HNRNPR: variants seen among roughly 807,000 people sequenced by gnomAD.
The protein encoded by HNRNPR is heterogeneous nuclear ribonucleoprotein R.
In HNRNPR, 4 loss-of-function variants were observed where a neutral mutation model predicts 70.3. The observed-to-expected ratio is 0.06, with a 90% CI of 0.03 to 0.13. HNRNPR has a LOEUF of 0.13. Among genes scored for constraint, HNRNPR ranks in the 10% least tolerant of loss-of-function variants. HNRNPR has a pLI of 1.00. For missense variants in HNRNPR, 423 were observed against 788.5 expected (o/e 0.54, Z 5.55); for synonymous variants, 241 against 267.6 (o/e 0.90, Z 0.97).
chr1:23,338,482 G>A lies in HNRNPR; in HGVS notation c.276+8C>T, dbSNP rs967650436. ...TTGTTCAAAGACATTTCTGAGTAAC[G>A]ACCTTACCTGAACATGTGATAAGTC... On this transcript the variant is annotated splice_region_variant and intron_variant, in intron 3 of 10. Coordinates refer to ENST00000302271, the MANE Select transcript of HNRNPR (RefSeq NM_005826.5). 17 of 1,151,126 alleles carry A rather than the reference G, an allele frequency of 1.5e-5. No individual in the cohort carries two copies. Among genetic ancestry groups the A allele is most frequent in the Middle Eastern group, 4.3e-4 (2 of 4,686 alleles). 71.3% of individuals were successfully genotyped at this position (1,151,126 alleles called of 1,614,324 possible).
In HNRNPR at chr1:23,318,675, G is replaced by A. The variant is rs369435234; in HGVS notation, c.825C>T (p.Asp275=). The A allele has an allele frequency of 2.7e-5, 43 of 1,613,958 alleles. No individual in the cohort carries two copies. Among genetic ancestry groups the A allele is most frequent in the Non-Finnish European group, 3.5e-5 (41 of 1,180,006 alleles). ...CATCGGGTTGATGATAGAGAATAACGTCCACCAAACCCTCTGTTAAACCAA... is the reference window on the plus strand; with the variant it reads ...CATCGGGTTGATGATAGAGAATAACATCCACCAAACCCTCTGTTAAACCAA... ...EFSKVTEGLV[D]VILYHQPDDK... The change falls in exon 8 of 11, where the codon GAC becomes GAT. Residue 275 remains aspartate, a synonymous_variant. Coordinates refer to ENST00000302271, the MANE Select transcript of HNRNPR (RefSeq NM_005826.5). The surrounding 1 kb of genome is among the most constrained non-coding windows in gnomAD (Gnocchi z 4.2).
rs1242108957 is a variant in HNRNPR at position 23,311,061 on chromosome 1, T to C, written c.1295A>G (p.Glu432Gly). Reference sequence around the variant, plus strand: ...AGGAGGAGGGTGGTAGTAATAATCTTCATACCTAGCAAAGTAGAGAAGGGA... The same window carrying C: ...AGGAGGAGGGTGGTAGTAATAATCTCCATACCTAGCAAAGTAGAGAAGGGA... ...ARQASRSTAY[E>G]DYYYHPPPRM... The change falls in exon 11 of 11, where the codon GAA becomes GGA. Residue 432 changes from glutamate to glycine, a missense_variant. Glu to Gly is a moderately conservative substitution (Grantham distance 98). Coordinates refer to ENST00000302271, the MANE Select transcript of HNRNPR (RefSeq NM_005826.5). The C allele has an allele frequency of 3.7e-6, 6 of 1,613,562 alleles. No individual in the cohort carries two copies. The highest frequency in any genetic ancestry group is 5.1e-6 in the Non-Finnish European group (6 of 1,179,752).
At chr1:23,316,023 A>C (rs555015737) in intron 8 of HNRNPR, among the ~76,000 whole-genome samples, 1 of 152,344 alleles carries the variant, frequency 6.6e-6, no homozygotes, top group South Asian at 2.1e-4. Context: ...CCTTTAAGAG[A>C]CATATATTTA....
intron 4 of HNRNPR, among the ~76,000 whole-genome samples, chr1:23,337,483 C>T (rs755010231): frequency 1.1e-4 from 17 of 152,062 alleles, no homozygotes; most frequent in Non-Finnish European, 1.3e-4. Context: ...CAGTGAAACC[C>T]TATCTTTCCT....
intron 5 of HNRNPR, among the ~76,000 whole-genome samples, chr1:23,329,082 C>G (rs1646115249): frequency 6.6e-6 from 1 of 152,166 alleles, no homozygotes. Flanking sequence ...GATTGTGCCA[C>G]TGTACTCCAG....
Position 23,333,538 on chromosome 1 carries a change from G to T in HNRNPR, c.478C>A (p.Gln160Lys). 6.2e-7 allele frequency: 1 copy of T among 1,609,956 alleles called. No individual in the cohort carries two copies. Among genetic ancestry groups the T allele is most frequent in the Non-Finnish European group, 8.5e-7 (1 of 1,176,190 alleles). ...CTTACCTCCGTTCCAATTCCAGGTT[G>T]CACGCCAGAGTACACACTGTCTGGT... is the stretch of plus-strand genomic sequence containing the variant. ...PPPDSVYSGV[Q>K]PGIGTEVFVG... The change falls in exon 5 of 11, where the codon CAA (glutamine) becomes AAA (lysine). Residue 160 changes from glutamine to lysine, a missense_variant. Gln to Lys is a moderately conservative substitution (Grantham distance 53). Coordinates refer to ENST00000302271, the MANE Select transcript of HNRNPR (RefSeq NM_005826.5).
chr1:23,334,288 G>T (rs1646371932), intron 4 of HNRNPR, among the ~76,000 whole-genome samples: 1 of 145,568 alleles, frequency 6.9e-6, no homozygotes, highest in African/African-American at 2.5e-5. Flanking sequence ...CCAGGCTGGA[G>T]TGCAGTAGCG....
At chr1:23,320,276 T>C (rs1182238183) in intron 7 of HNRNPR, among the ~76,000 whole-genome samples, 4 of 152,166 alleles carry the variant, frequency 2.6e-5, no homozygotes, top group African/African-American at 9.7e-5. Flanking sequence ...AACACAATAC[T>C]TGACAACACA....
intron 2 of HNRNPR, 80 bp downstream of exon 2, chr1:23,340,772 T>TA (rs1646680008): frequency 1.7e-6 from 2 of 1,154,238 alleles, no homozygotes; most frequent in East Asian, 4.8e-5. Flanking sequence ...AAGTATTATT[T>TA]AACCTTAAAA....
intron 7 of HNRNPR, among the ~76,000 whole-genome samples, chr1:23,319,998 G>A (rs896286591): frequency 2.0e-5 from 3 of 152,116 alleles, no homozygotes; most frequent in African/African-American, 7.2e-5. Flanking sequence ...TGTATTTCCT[G>A]CTTCAGTGTC....
intron 5 of HNRNPR, among the ~76,000 whole-genome samples, chr1:23,326,074 G>C (rs1020461397): frequency 6.6e-6 from 1 of 152,076 alleles, no homozygotes; most frequent in African/African-American, 2.4e-5. Flanking sequence ...TCACTATGAT[G>C]CTCAGGGTGG....
At chr1:23,335,912 T>C (rs1029828650) in intron 4 of HNRNPR, among the ~76,000 whole-genome samples, 2 of 142,708 alleles carry the variant, frequency 1.4e-5, no homozygotes, top group Admixed American at 1.4e-4. Context: ...GGTCAGGAGA[T>C]CGAGACCATC....
At chr1:23,339,828 C>T (rs1302753198) in intron 2 of HNRNPR, among the ~76,000 whole-genome samples, 1 of 152,122 alleles carries the variant, frequency 6.6e-6, no homozygotes, top group Non-Finnish European at 1.5e-5. Context: ...CAAGTCTACG[C>T]CCAAACCATC....
In HNRNPR at chr1:23,318,093, A is replaced by G. The variant is rs1461906145; in HGVS notation, c.1017+390T>C. Among the ~76,000 whole-genome samples, 1 of 151,604 alleles carries G rather than the reference A, an allele frequency of 6.6e-6. No homozygotes were observed. Among genetic ancestry groups the G allele is most frequent in the East Asian group, 1.9e-4 (1 of 5,200 alleles). On this transcript the variant is annotated intron_variant, in intron 8 of 10. Transcript: ENST00000302271. This position sits in a 1 kb window ranked among gnomAD's most constrained non-coding sequence, Gnocchi z 4.2. Reference sequence around the variant, plus strand: ...AAAACATAATTCATGGCCAAGTAATAAAGTCATAATATAGTCAATGAAGAT... The same window carrying G: ...AAAACATAATTCATGGCCAAGTAATGAAGTCATAATATAGTCAATGAAGAT...
intron 1 of HNRNPR, among the ~76,000 whole-genome samples, chr1:23,343,020 T>A (rs1030131451): frequency 6.6e-6 from 1 of 152,196 alleles, no homozygotes; most frequent in Non-Finnish European, 1.5e-5. Context: ...GAAAGCCCTC[T>A]CTCTTCAAGC....
chr1:23,313,145 T>C (rs1308107885), intron 9 of HNRNPR, among the ~76,000 whole-genome samples: 1 of 152,174 alleles, frequency 6.6e-6, no homozygotes, highest in Non-Finnish European at 1.5e-5. Context: ...ATCTATCTAC[T>C]CAATTAAACA....
chr1:23,341,899 A>G (rs672290), intron 1 of HNRNPR, among the ~76,000 whole-genome samples: 1 of 152,202 alleles, frequency 6.6e-6, no homozygotes, highest in Non-Finnish European at 1.5e-5. Flanking sequence ...CCTGTAGGTA[A>G]TGCTGAAATG....
At chr1:23,338,953 C>T (rs932457395) in intron 2 of HNRNPR, among the ~76,000 whole-genome samples, 1 of 152,144 alleles carries the variant, frequency 6.6e-6, no homozygotes, top group African/African-American at 2.4e-5. Flanking sequence ...ATTAATACAA[C>T]AAATTTTGGT....
intron 1 of HNRNPR, among the ~76,000 whole-genome samples, chr1:23,343,115 T>A (rs900114783): frequency 1.3e-5 from 2 of 152,122 alleles, no homozygotes; most frequent in Non-Finnish European, 2.9e-5. Context: ...TTCAACACAA[T>A]GCCACACAGC....
Sources: gnomAD v4.1 joint callset for allele counts (sites outside exome capture counted in the v4.1 genomes callset) on GRCh38, gnomAD v4.1.1 for gene constraint, Gnocchi (gnomAD v3.1) non-coding constraint, MANE v1.5 for transcripts, NCBI Gene and HGNC (gene_info 2026-07-23, HGNC 2026-07-21) for gene names.